The following TBC1D19 variants were observed in gnomAD, a reference collection of about 807,000 sequenced individuals.
The protein encoded by TBC1D19 is TBC1 domain family, member 19.
TBC1D19 carries 60 observed loss-of-function variants against 89.0 expected under a neutral mutation model. The ratio of observed to expected loss-of-function variants is 0.67; its 90% CI spans 0.55 to 0.84. The LOEUF (loss-of-function observed/expected upper bound fraction) is 0.84, where lower values mean the gene tolerates loss of function less well. TBC1D19 is among the 40% of genes least tolerant of loss of function. The pLI is 0.00. For synonymous variants in TBC1D19, 189 were observed against 199.7 expected (o/e 0.95, Z 0.45); for missense variants, 500 against 610.8 (o/e 0.82, Z 1.91).
intron 1 of TBC1D19, among the ~76,000 whole-genome samples, chr4:26,605,092 G>C (rs1740899688): frequency 6.6e-6 from 1 of 151,044 alleles, no homozygotes; most frequent in Non-Finnish European, 1.5e-5. Context: ...TAGGGTACAC[G>C]TGCACAATGT....
the TBC1D19 span, among the ~76,000 whole-genome samples, chr4:26,782,579 T>C: frequency 6.6e-6 from 1 of 152,192 alleles, no homozygotes; most frequent in African/African-American, 2.4e-5. Flanking sequence ...AGCATTGTAC[T>C]TTCTGTGCTT....
chr4:26,637,361 G>A, intron 5 of TBC1D19, 76 bp downstream of exon 5: 1 of 1,158,422 alleles, frequency 8.6e-7, no homozygotes, highest in Non-Finnish European at 1.3e-6. Context: ...TTATATAACT[G>A]TTAGGCACAT....
intron 13 of TBC1D19, among the ~76,000 whole-genome samples, chr4:26,692,527 G>A (rs1285705105): frequency 6.6e-6 from 1 of 152,190 alleles, no homozygotes; most frequent in Non-Finnish European, 1.5e-5. Context: ...TCCGGCTCCA[G>A]GGCAAATGAC....
the TBC1D19 span, among the ~76,000 whole-genome samples, chr4:26,787,086 A>C: frequency 6.6e-6 from 1 of 151,202 alleles, no homozygotes. Context: ...GTAGACACAT[A>C]ATAAAGAGGA....
chr4:26,617,166 G>A (rs1293855487), intron 3 of TBC1D19, among the ~76,000 whole-genome samples: 1 of 152,174 alleles, frequency 6.6e-6, no homozygotes, highest in Non-Finnish European at 1.5e-5. Flanking sequence ...GAGCCTTCTT[G>A]CTGCATTATC....
At chr4:26,647,777 A>AT (rs890378275) in intron 7 of TBC1D19, among the ~76,000 whole-genome samples, 1 of 151,684 alleles carries the variant, frequency 6.6e-6, no homozygotes, top group African/African-American at 2.4e-5. Context: ...GCTGGCAATG[A>AT]TTTTTCCCTA....
the TBC1D19 span, among the ~76,000 whole-genome samples, chr4:26,804,062 A>G: frequency 6.6e-6 from 1 of 152,050 alleles, no homozygotes; most frequent in Non-Finnish European, 1.5e-5. Context: ...CCTTAAAAAT[A>G]AAGAAAACAA....
At chr4:26,801,398 G>A in the TBC1D19 span, among the ~76,000 whole-genome samples, 2 of 152,098 alleles carry the variant, frequency 1.3e-5, no homozygotes, top group Non-Finnish European at 2.9e-5. Context: ...CCATGCTGTT[G>A]TGGTTACTGT....
the TBC1D19 span, among the ~76,000 whole-genome samples, chr4:26,801,714 C>T: frequency 6.6e-6 from 1 of 151,984 alleles, no homozygotes; most frequent in South Asian, 2.1e-4. Context: ...TCCTTCAAAA[C>T]AAACAAGACA....
chr4:26,723,714 G>A (rs570098670), intron 15 of TBC1D19, among the ~76,000 whole-genome samples: 40 of 152,204 alleles, frequency 2.6e-4, no homozygotes, highest in African/African-American at 9.6e-4. Context: ...ATTTTTTGTT[G>A]TTATTCAACA....
Position 26,672,133 on chromosome 4 carries a change from T to C in TBC1D19, c.665-16T>C. On this transcript the variant is annotated splice_polypyrimidine_tract_variant and intron_variant, in intron 9 of 20. Coordinates refer to ENST00000264866, the MANE Select transcript of TBC1D19 (RefSeq NM_018317.4). Reference sequence around the variant, plus strand: ...ATACTCATGTCTAATAATTTTAATTTTTTTTTAATTTTTAGAACTTTTTGA... The same window carrying C: ...ATACTCATGTCTAATAATTTTAATTCTTTTTTAATTTTTAGAACTTTTTGA... The C allele has an allele frequency of 9.4e-7, 1 of 1,063,286 alleles. No homozygotes were observed. Among genetic ancestry groups the C allele is most frequent in the Non-Finnish European group, 1.3e-6 (1 of 778,126 alleles). 65.9% of individuals were successfully genotyped at this position (1,063,286 alleles called of 1,614,324 possible).
chr4:26,640,846 G>T (rs10025586), intron 7 of TBC1D19, among the ~76,000 whole-genome samples: 7,899 of 152,312 alleles, frequency 0.052, 713 homozygotes, highest in African/African-American at 0.18. Flanking sequence ...CTGGCTGGGG[G>T]AGGGGCATCC....
chr4:26,685,677 T>C (rs1713749271), intron 12 of TBC1D19, among the ~76,000 whole-genome samples: 1 of 152,246 alleles, frequency 6.6e-6, no homozygotes, highest in Non-Finnish European at 1.5e-5. Flanking sequence ...GAGGATACAG[T>C]CCTTTGATGG....
At chr4:26,661,168 A>G (rs997063396) in intron 8 of TBC1D19, among the ~76,000 whole-genome samples, 2 of 152,240 alleles carry the variant, frequency 1.3e-5, no homozygotes, top group Admixed American at 1.3e-4. Flanking sequence ...CCAGAGGTGT[A>G]TTCACTAGAG....
chr4:26,760,677 A>G (rs1232928269), downstream of TBC1D19, among the ~76,000 whole-genome samples: 2 of 152,202 alleles, frequency 1.3e-5, no homozygotes, highest in African/African-American at 2.4e-5. Context: ...TAACTATGAG[A>G]TAGTTAATAT....
At chr4:26,725,641 G>C (rs898469824) in intron 15 of TBC1D19, among the ~76,000 whole-genome samples, 2 of 151,970 alleles carry the variant, frequency 1.3e-5, no homozygotes, top group Non-Finnish European at 2.9e-5. Context: ...TTGAACACCT[G>C]GTCTCAAGCA....
At chr4:26,585,185 G>A in intron 1 of TBC1D19, 1 of 447,852 alleles carries the variant, frequency 2.2e-6, no homozygotes, top group South Asian at 1.6e-5. Flanking sequence ...GACTTGTATG[G>A]TAAGTGTAAT....
intron 1 of TBC1D19, among the ~76,000 whole-genome samples, chr4:26,607,445 C>G (rs974425210): frequency 6.6e-6 from 1 of 152,060 alleles, no homozygotes; most frequent in Non-Finnish European, 1.5e-5. Flanking sequence ...CATAATAACT[C>G]AGTTAAGGTA....
intron 13 of TBC1D19, among the ~76,000 whole-genome samples, chr4:26,716,483 G>C (rs934043486): frequency 6.6e-6 from 1 of 152,070 alleles, no homozygotes; most frequent in Non-Finnish European, 1.5e-5. Context: ...AACTAAAGGC[G>C]TACATATTTA....
Sources: gnomAD v4.1 joint callset for allele counts (sites outside exome capture counted in the v4.1 genomes callset) on GRCh38, gnomAD v4.1.1 for gene constraint, MANE v1.5 for transcripts, NCBI Gene and HGNC (gene_info 2026-07-23, HGNC 2026-07-21) for gene names.